The following SCML2 variants were observed in gnomAD, a reference collection of about 807,000 sequenced individuals.
SCML2 encodes the protein sex comb on midleg-like protein 2.
Under a neutral mutation model 48.4 loss-of-function variants are expected in SCML2, and 6 were observed. The ratio of observed to expected loss-of-function variants is 0.12; its 90% CI spans 0.07 to 0.24. The LOEUF (loss-of-function observed/expected upper bound fraction) is 0.24. Ranked by LOEUF, SCML2 falls within the 10% of genes least tolerant of loss-of-function variation. The pLI is 1.00. For missense variants in SCML2, 377 were observed against 528.2 expected (o/e 0.71, Z 2.81); for synonymous variants, 181 against 189.5 (o/e 0.95, Z 0.37).
chrX:18,284,335 C>T (rs1256950391), intron 7 of SCML2, among the ~76,000 whole-genome samples: 2 of 112,004 alleles, frequency 1.8e-5, no homozygotes, highest in African/African-American at 3.2e-5. Flanking sequence ...CTAGCAAATA[C>T]CCTCTCAACA....
At chrX:18,305,393 T>C (rs1464951031) in intron 6 of SCML2, among the ~76,000 whole-genome samples, 178 bp from the exon 7 acceptor site, 1 of 111,794 alleles carries the variant, frequency 8.9e-6, no homozygotes, top group African/African-American at 3.2e-5. Context: ...AACTCTGCTC[T>C]CCAACATCTC....
At position 18,242,530 on chromosome X, in the gene SCML2, G is replaced by GT. The variant is rs745396352; in HGVS notation, c.1882_1883insA (p.Pro628HisfsTer8). The GT allele has an allele frequency of 8.3e-7, 1 of 1,208,991 alleles. No individual in the cohort carries two copies. Among genetic ancestry groups the GT allele is most frequent in the Non-Finnish European group, 1.1e-6 (1 of 894,379 alleles). On this transcript the variant is annotated frameshift_variant, in exon 14 of 15. Transcript: ENST00000251900. LOFTEE classifies it high-confidence loss of function. ...CACTTCATCCACAGACCAGGTTGAA[G>GT]GGTCCTTAGAGAAGCCTTGTTTCAG... is the stretch of plus-strand genomic sequence containing the variant.
intron 13 of SCML2, among the ~76,000 whole-genome samples, chrX:18,245,519 T>C (rs757418727): frequency 1.8e-5 from 2 of 112,131 alleles, no homozygotes; most frequent in African/African-American, 3.2e-5. Flanking sequence ...CAACATTAAA[T>C]GTGTCATGGT....
Position 18,330,674 on chromosome X carries a change from G to A in SCML2, c.23-19C>T, listed in dbSNP as rs1929626454. 2 of 999,490 alleles carry A rather than the reference G, an allele frequency of 2.0e-6. No homozygotes were observed. The highest frequency in any genetic ancestry group is 2.2e-5 in the South Asian group (1 of 46,136). The allele number at this position is 999,490 out of a possible 1,213,427, so 82.4% of individuals were successfully genotyped here. On this transcript the variant is annotated intron_variant, in intron 2 of 14. Coordinates refer to ENST00000251900, the MANE Select transcript of SCML2 (RefSeq NM_006089.3). ...ATGGAATCTAATAAAAAAGAAAATA[G>A]CAATACTGGGAGTCCACAGCAACAG...
intron 11 of SCML2, among the ~76,000 whole-genome samples, chrX:18,251,141 A>C (rs746414439): frequency 1.7e-4 from 18 of 107,800 alleles, no homozygotes; most frequent in African/African-American, 6.1e-4. Context: ...ATGCCACCTC[A>C]TCTCTACTAA....
chrX:18,242,058 T>C (rs1002384103), intron 14 of SCML2, among the ~76,000 whole-genome samples: 1 of 111,843 alleles, frequency 8.9e-6, no homozygotes, highest in African/African-American at 3.3e-5. Context: ...GTTGCTGGAT[T>C]CACTGGAGGA....
At chrX:18,354,288 C>A (rs1208321158) in intron 1 of SCML2, among the ~76,000 whole-genome samples, 1 of 113,097 alleles carries the variant, frequency 8.8e-6, no homozygotes, top group African/African-American at 3.2e-5. Context: ...GCTGTCGGCG[C>A]TGCAGGCGAG....
intron 7 of SCML2, among the ~76,000 whole-genome samples, chrX:18,300,033 C>G (rs926790999): frequency 3.6e-5 from 4 of 111,004 alleles, no homozygotes; most frequent in Non-Finnish European, 7.6e-5. Flanking sequence ...GCCACTATGC[C>G]TGGCCAGAAA....
chrX:18,298,004 G>A (rs1928453420), intron 7 of SCML2, among the ~76,000 whole-genome samples: 1 of 110,052 alleles, frequency 9.1e-6, no homozygotes, highest in Admixed American at 9.7e-5. Flanking sequence ...GCAAGAACCA[G>A]TCTCAAAAAA....
intron 6 of SCML2, among the ~76,000 whole-genome samples, chrX:18,309,289 G>A: frequency 9.0e-6 from 1 of 110,539 alleles, no homozygotes; most frequent in South Asian, 3.9e-4. Context: ...AGCAGATCCT[G>A]GTGAGGTTGC....
chrX:18,301,760 C>T (rs763356460), intron 7 of SCML2, among the ~76,000 whole-genome samples: 17 of 111,291 alleles, frequency 1.5e-4, no homozygotes, highest in Non-Finnish European at 3.2e-4. Context: ...CTGGGTGTCA[C>T]GGCGAAACTC....
chrX:18,272,224 T>TCAGA (rs1927486370), intron 7 of SCML2, among the ~76,000 whole-genome samples: 2 of 112,297 alleles, frequency 1.8e-5, no homozygotes, highest in Middle Eastern at 4.6e-3. Flanking sequence ...TCAAGGACTG[T>TCAGA]TACTGTCAGA....
At chrX:18,307,105 A>G (rs908872295) in intron 6 of SCML2, among the ~76,000 whole-genome samples, 7 of 111,428 alleles carry the variant, frequency 6.3e-5, no homozygotes, top group Non-Finnish European at 1.1e-4. Flanking sequence ...CAACAAGACG[A>G]AACCTCGTCT....
chrX:18,325,249 C>G (rs1929444078), intron 3 of SCML2, among the ~76,000 whole-genome samples: 2 of 111,845 alleles, frequency 1.8e-5, no homozygotes, highest in African/African-American at 6.5e-5. Context: ...CACAGTGATT[C>G]TAAAAATGTG....
intron 5 of SCML2, among the ~76,000 whole-genome samples, chrX:18,323,566 C>T (rs1021720381): frequency 1.8e-5 from 2 of 111,773 alleles, no homozygotes; most frequent in African/African-American, 6.5e-5. Context: ...AGTTCTGAAT[C>T]TGCATATGTA....
intron 7 of SCML2, among the ~76,000 whole-genome samples, chrX:18,281,030 C>A (rs901217639): frequency 7.2e-5 from 5 of 69,820 alleles, no homozygotes; most frequent in African/African-American, 2.2e-4. Flanking sequence ...ATACTCCACC[C>A]AACAACCACA....
intron 7 of SCML2, among the ~76,000 whole-genome samples, chrX:18,296,014 A>G (rs1213329653): frequency 8.9e-6 from 1 of 112,128 alleles, no homozygotes; most frequent in Non-Finnish European, 1.9e-5. Context: ...GGCAACTATT[A>G]TGCTAGATGT....
At position 18,335,507 on chromosome X, in the gene SCML2, AAAAT is replaced by A. The variant is rs768101749; in HGVS notation, c.-24-1416_-24-1413del. 6.3e-5 allele frequency among the ~76,000 whole-genome samples: 7 copies of A among 110,979 alleles called. 1 individual carries two copies. The highest frequency in any genetic ancestry group is 6.6e-5 in the African/African-American group (2 of 30,478). ...AGTCAGAGTGAGACCCTGCCTCAAAAAAATAAATAAATAAATAGTCTTATTACTA... is the reference window on the plus strand; with the variant it reads ...AGTCAGAGTGAGACCCTGCCTCAAAAAAATAAATAAATAGTCTTATTACTA... On this transcript the variant is annotated intron_variant, in intron 1 of 14. Transcript: ENST00000251900.
At chrX:18,322,375 A>C (rs1200181006) in intron 5 of SCML2, among the ~76,000 whole-genome samples, 1 of 112,208 alleles carries the variant, frequency 8.9e-6, no homozygotes, top group African/African-American at 3.2e-5. Context: ...ATCTCCTTTA[A>C]ACAAACTGCA....
Sources: gnomAD v4.1 joint callset for allele counts (sites outside exome capture counted in the v4.1 genomes callset) on GRCh38, gnomAD v4.1.1 for gene constraint, MANE v1.5 for transcripts, NCBI Gene and HGNC (gene_info 2026-07-23, HGNC 2026-07-21) for gene names.